Variants in PLEKHA8 observed in about 807,000 individuals in gnomAD.
PLEKHA8 encodes the protein pleckstrin homology domain-containing family A member 8.
PLEKHA8 carries 36 observed loss-of-function variants against 68.2 expected under a neutral mutation model. The observed-to-expected ratio is 0.53, with a 90% CI of 0.40 to 0.70. The LOEUF is 0.70. PLEKHA8 is among the 30% of genes least tolerant of loss of function. The pLI is 0.00. For synonymous variants in PLEKHA8, 211 were observed against 216.1 expected (o/e 0.98, Z 0.20); for missense variants, 505 against 615.4 (o/e 0.82, Z 1.90).
At chr7:30,043,666 A>G (rs948376396) in intron 1 of PLEKHA8, among the ~76,000 whole-genome samples, 1 of 152,154 alleles carries the variant, frequency 6.6e-6, no homozygotes, top group Non-Finnish European at 1.5e-5. Context: ...TTGCCTACCT[A>G]CCCAACTCCT....
Position 30,071,106 on chromosome 7 carries a change from G to A in PLEKHA8, c.1301-2965G>A, listed in dbSNP as rs73686293. Among the ~76,000 whole-genome samples, 384 of 152,238 alleles carry A rather than the reference G, an allele frequency of 2.5e-3. 1 individual carries two copies. The highest frequency in any genetic ancestry group is 8.9e-3 in the African/African-American group (369 of 41,532). On this transcript the variant is annotated intron_variant, in intron 12 of 13. Transcript: ENST00000449726. ...GTTATCTCTGGGAGAAAGGATTATA[G>A]GTTTCTTTAGTTCTCTCCTTTTAAA...
At chr7:30,060,087 A>G (rs1438123750) in intron 9 of PLEKHA8, among the ~76,000 whole-genome samples, 1 of 152,006 alleles carries the variant, frequency 6.6e-6, no homozygotes, top group East Asian at 1.9e-4. Context: ...CAGTGAGCTG[A>G]GATCATGCCA....
intron 13 of PLEKHA8, among the ~76,000 whole-genome samples, chr7:30,110,976 C>T (rs147417896): frequency 0.017 from 2,584 of 151,280 alleles, 34 homozygotes; most frequent in Non-Finnish European, 0.026. Flanking sequence ...GCGATCTTGG[C>T]GCACTGCAAC....
intron 3 of PLEKHA8, 143 bp downstream of exon 3, chr7:30,046,508 AC>A: frequency 1.0e-6 from 1 of 973,642 alleles, no homozygotes; most frequent in Non-Finnish European, 1.5e-6. Context: ...TATAATTTAA[AC>A]CAGGGTCCAT....
chr7:30,047,157 A>G (rs1276110781), intron 3 of PLEKHA8, among the ~76,000 whole-genome samples: 1 of 152,214 alleles, frequency 6.6e-6, no homozygotes, highest in Non-Finnish European at 1.5e-5. Context: ...TTTAATGCTA[A>G]ATTGGTAATA....
intron 12 of PLEKHA8, chr7:30,069,825 G>C (rs759496146): frequency 6.6e-6 from 1 of 152,098 alleles, no homozygotes; most frequent in Non-Finnish European, 1.5e-5. Context: ...AAAAGAATTA[G>C]GCAAGGTGAT....
At chr7:30,056,750 T>TAA (rs1562870912) in intron 9 of PLEKHA8, among the ~76,000 whole-genome samples, 124 of 96,422 alleles carry the variant, frequency 1.3e-3, no homozygotes, top group East Asian at 7.0e-3. Flanking sequence ...AAAGTGTGTG[T>TAA]GTGTGTGTGT....
chr7:30,078,512 T>C, intron 13 of PLEKHA8, 78 bp from the exon 14 acceptor site: 1 of 1,431,364 alleles, frequency 7.0e-7, no homozygotes, highest in Non-Finnish European at 9.8e-7. Flanking sequence ...AGTATGTGTG[T>C]GTGCATGTGC....
rs1403690150 is a variant in PLEKHA8, at chr7:30,083,678, C to G, written c.*4891C>G. On this transcript the variant is annotated 3_prime_UTR_variant, in exon 14 of 14. Coordinates refer to ENST00000449726, the MANE Select transcript of PLEKHA8 (RefSeq NM_001197026.2). ...CACTACTCTGCAATGCAAAAGTCTT[C>G]AAAATTCTTTGTTTCCTGTATTAAT... 47 of 985,302 alleles carry G rather than the reference C, an allele frequency of 4.8e-5. No homozygotes were observed. The highest frequency in any genetic ancestry group is 5.7e-5 in the Non-Finnish European group (47 of 829,910). 61.0% of individuals were successfully genotyped at this position (985,302 alleles called of 1,614,324 possible).
At chr7:30,129,307 T>C in exon 14 of PLEKHA8, 3 of 1,612,790 alleles carry the variant, frequency 1.9e-6, no homozygotes, top group Non-Finnish European at 2.5e-6. Context: ...GAAACCATCA[T>C]GGACCATGAG....
intron 4 of PLEKHA8, among the ~76,000 whole-genome samples, chr7:30,048,827 A>G (rs1792169239): frequency 6.6e-6 from 1 of 150,480 alleles, no homozygotes; most frequent in Admixed American, 6.6e-5. Context: ...CATATGTGTG[A>G]GATAGACTGT....
In PLEKHA8 at chr7:30,113,477, C is replaced by A. The variant is rs773606693; in HGVS notation, c.1363-15789C>A. Among the ~76,000 whole-genome samples, 57 of 152,102 alleles carry A rather than the reference C, an allele frequency of 3.7e-4. 1 individual carries two copies. Among genetic ancestry groups the A allele is most frequent in the Non-Finnish European group, 7.1e-4 (48 of 68,020 alleles). ...CTTTATAGGTAGTCTGTCCTTTTTA[C>A]CTCTGGTGGCATTTAGGATCTTCAC... On this transcript the variant is annotated intron_variant, in intron 13 of 13. Transcript: ENST00000396257.
At chr7:30,071,042 A>G (rs999410607) in intron 12 of PLEKHA8, among the ~76,000 whole-genome samples, 5 of 152,200 alleles carry the variant, frequency 3.3e-5, no homozygotes, top group African/African-American at 4.8e-5. Context: ...GTACAGGGGG[A>G]AAAAACTAGC....
intron 13 of PLEKHA8, among the ~76,000 whole-genome samples, chr7:30,107,034 G>T (rs763160957): frequency 1.8e-4 from 28 of 152,038 alleles, no homozygotes; most frequent in Non-Finnish European, 2.9e-4. Context: ...TCTTCTGTAT[G>T]AATTTAAGGA....
chr7:30,106,841 A>G (rs932980190), intron 13 of PLEKHA8, among the ~76,000 whole-genome samples: 1 of 152,240 alleles, frequency 6.6e-6, no homozygotes, highest in African/African-American at 2.4e-5. Flanking sequence ...TAAATGATTT[A>G]AAATGTACGG....
At chr7:30,052,964 T>C (rs752464220) in intron 7 of PLEKHA8, 98 bp downstream of exon 7, 37 of 967,190 alleles carry the variant, frequency 3.8e-5, no homozygotes, top group Non-Finnish European at 5.1e-5. Context: ...CTCAAGACCA[T>C]GTAGTAGTGT....
At chr7:30,123,748 A>C (rs905456998) in intron 13 of PLEKHA8, among the ~76,000 whole-genome samples, 9 of 152,280 alleles carry the variant, frequency 5.9e-5, no homozygotes, top group African/African-American at 2.2e-4. Context: ...AGGAAAACAG[A>C]ACCAAGAGAT....
At chr7:30,106,430 T>C (rs1006276443) in intron 13 of PLEKHA8, among the ~76,000 whole-genome samples, 1 of 152,190 alleles carries the variant, frequency 6.6e-6, no homozygotes, top group Non-Finnish European at 1.5e-5. Flanking sequence ...TTTATCTTTT[T>C]CCTTATGAAT....
intron 13 of PLEKHA8, among the ~76,000 whole-genome samples, chr7:30,106,553 A>G (rs1256202050): frequency 6.6e-6 from 1 of 152,138 alleles, no homozygotes; most frequent in East Asian, 1.9e-4. Flanking sequence ...TCATTTGCCT[A>G]ATTGTCTCTC....
Sources: allele counts gnomAD v4.1 joint callset (sites outside exome capture counted in the v4.1 genomes callset), GRCh38; gene constraint gnomAD v4.1.1; transcripts MANE v1.5; gene names NCBI Gene and HGNC (gene_info 2026-07-23, HGNC 2026-07-21).